The following ADGRB3 variants were observed in gnomAD, a reference collection of about 807,000 sequenced individuals.
ADGRB3 encodes adhesion G protein-coupled receptor B3.
ADGRB3 carries 37 observed loss-of-function variants against 193.4 expected under a neutral mutation model. The observed-to-expected ratio is 0.19, with a 90% CI of 0.15 to 0.25. The LOEUF (loss-of-function observed/expected upper bound fraction) is 0.25, where lower values mean the gene tolerates loss of function less well. ADGRB3 is among the 10% of genes least tolerant of loss of function. The pLI is 1.00. For synonymous variants in ADGRB3, 690 were observed against 644.2 expected, an observed-to-expected ratio of 1.07 and a Z score of -1.08; for missense variants, 1,637 against 1,852.9, an observed-to-expected ratio of 0.88 and a Z score of 2.14.
At position 68,936,317 on chromosome 6, in the gene ADGRB3, C is replaced by A. The variant is rs77062255; in HGVS notation, c.869-202C>A. Among the ~76,000 whole-genome samples, 295 of 152,218 alleles carry A rather than the reference C, an allele frequency of 1.9e-3. 4 individuals are homozygous for A. The highest frequency in any genetic ancestry group is 5.2e-3 in the Admixed American group (79 of 15,284). ...GAGTATTTTGCTAATAAGGTTATGG[C>A]AAAACTTGGTGTTTGCATCAGCATT... On this transcript the variant is annotated intron_variant, in intron 4 of 31. Coordinates refer to ENST00000370598, the MANE Select transcript of ADGRB3 (RefSeq NM_001704.3).
At chr6:68,988,752 A>T (rs772892204) in intron 10 of ADGRB3, among the ~76,000 whole-genome samples, 2 of 152,086 alleles carry the variant, frequency 1.3e-5, no homozygotes, top group African/African-American at 2.4e-5. Context: ...CCTCTCACAC[A>T]AGCAGCGATG....
At chr6:68,651,963 T>G (rs908290403) in intron 3 of ADGRB3, among the ~76,000 whole-genome samples, 1 of 152,278 alleles carries the variant, frequency 6.6e-6, no homozygotes, top group East Asian at 1.9e-4. Context: ...GTCAGTTTGT[T>G]CCTACTGTGT....
intron 3 of ADGRB3, among the ~76,000 whole-genome samples, chr6:68,660,939 T>A (rs1256942297): frequency 1.4e-5 from 2 of 144,148 alleles, no homozygotes. Flanking sequence ...AGTGTTTTCC[T>A]TCTTCTTAGT....
intron 13 of ADGRB3, among the ~76,000 whole-genome samples, chr6:69,025,523 C>CTT (rs5877186): frequency 9.3e-5 from 13 of 139,642 alleles, no homozygotes; most frequent in African/African-American, 2.4e-4. Flanking sequence ...CACAATTTAA[C>CTT]TTTTTTTTTT....
At chr6:69,317,954 C>A (rs139485726) in intron 20 of ADGRB3, among the ~76,000 whole-genome samples, 1 of 151,554 alleles carries the variant, frequency 6.6e-6, no homozygotes, top group African/African-American at 2.4e-5. Flanking sequence ...GTTGATCTTG[C>A]ATCCAACTAG....
At chr6:69,381,296 G>T (rs917033328) in intron 30 of ADGRB3, among the ~76,000 whole-genome samples, 1 of 151,862 alleles carries the variant, frequency 6.6e-6, no homozygotes, top group Non-Finnish European at 1.5e-5. Context: ...CCAAACTGAT[G>T]GGAAGTTAAT....
chr6:68,783,509 A>G (rs1294194184), intron 3 of ADGRB3, among the ~76,000 whole-genome samples: 1 of 151,674 alleles, frequency 6.6e-6, no homozygotes, highest in Admixed American at 6.6e-5. Flanking sequence ...AGGTAAACAA[A>G]AAGACAAGGG....
At chr6:68,952,032 G>T (rs561493638) in intron 6 of ADGRB3, among the ~76,000 whole-genome samples, 1 of 152,130 alleles carries the variant, frequency 6.6e-6, no homozygotes, top group South Asian at 2.1e-4. Context: ...ATGATAAATT[G>T]TTTTTATTTT....
At chr6:68,919,301 A>G (rs749179351) in intron 3 of ADGRB3, among the ~76,000 whole-genome samples, 1 of 151,962 alleles carries the variant, frequency 6.6e-6, no homozygotes, top group Non-Finnish European at 1.5e-5. Context: ...TTCATCAAAT[A>G]TTTATTTTGG....
chr6:68,659,118 GA>G (rs1768559910), intron 3 of ADGRB3, among the ~76,000 whole-genome samples: 1 of 150,614 alleles, frequency 6.6e-6, no homozygotes, highest in Non-Finnish European at 1.5e-5. Flanking sequence ...TATCCTATTA[GA>G]AAAAAATAAA....
At chr6:68,715,023 A>G (rs1318846880) in intron 3 of ADGRB3, among the ~76,000 whole-genome samples, 2 of 151,428 alleles carry the variant, frequency 1.3e-5, no homozygotes, top group Non-Finnish European at 2.9e-5. Context: ...AGTTATATTT[A>G]TCATCATTAC....
At chr6:69,006,267 G>T (rs1203703523) in intron 11 of ADGRB3, among the ~76,000 whole-genome samples, 1 of 151,902 alleles carries the variant, frequency 6.6e-6, no homozygotes, top group East Asian at 1.9e-4. Flanking sequence ...TAATATGGAT[G>T]TATTCATGGT....
At chr6:68,648,079 C>T (rs188500086) in intron 3 of ADGRB3, among the ~76,000 whole-genome samples, 7 of 152,272 alleles carry the variant, frequency 4.6e-5, no homozygotes, top group African/African-American at 1.7e-4. Context: ...CAACTATCCT[C>T]CAGGAATTTT....
At chr6:69,197,318 G>A (rs1765322037) in intron 17 of ADGRB3, among the ~76,000 whole-genome samples, 1 of 151,930 alleles carries the variant, frequency 6.6e-6, no homozygotes, top group South Asian at 2.1e-4. Context: ...TATATGGTAA[G>A]TGTTTATAAT....
intron 3 of ADGRB3, among the ~76,000 whole-genome samples, chr6:68,705,916 C>T (rs1582136254): frequency 6.6e-6 from 1 of 152,020 alleles, no homozygotes. Context: ...TCTGGCTAAC[C>T]CAGCTTGACA....
intron 3 of ADGRB3, among the ~76,000 whole-genome samples, chr6:68,646,864 G>A (rs1768228473): frequency 6.6e-6 from 1 of 152,066 alleles, no homozygotes; most frequent in Non-Finnish European, 1.5e-5. Context: ...ATCTTCTCTG[G>A]TATTTTTATT....
At chr6:68,944,390 T>C (rs1767721285) in intron 6 of ADGRB3, among the ~76,000 whole-genome samples, 1 of 152,140 alleles carries the variant, frequency 6.6e-6, no homozygotes, top group African/African-American at 2.4e-5. Context: ...CTTACACTTA[T>C]TCAATTAGGG....
intron 3 of ADGRB3, among the ~76,000 whole-genome samples, chr6:68,872,570 A>G (rs1765490534): frequency 6.6e-6 from 1 of 152,112 alleles, no homozygotes; most frequent in African/African-American, 2.4e-5. Context: ...TCTCCAGATG[A>G]GAGTTTGCCA....
Position 68,639,155 on chromosome 6 carries a change from G to T in ADGRB3, c.480G>T (p.Lys160Asn), listed in dbSNP as rs1393061693. The T allele has an allele frequency of 6.2e-7, 1 of 1,614,050 alleles. No homozygotes were observed. Reference sequence around the variant, plus strand: ...TTTTTGAGTTTTTGGTATTGAACAAGGTCAGCCCAAGCCAGTTTGGTTGCC... The same window carrying T: ...TTTTTGAGTTTTTGGTATTGAACAATGTCAGCCCAAGCCAGTTTGGTTGCC... ...KSFFEFLVLN[K>N]VSPSQFGCHV... Residue 160 changes from lysine to asparagine, a missense_variant, in exon 3 of 32, where the codon AAG (lysine) becomes AAT (asparagine). By Grantham distance (94) the Lys-to-Asn change is moderately conservative. Around this residue, in one of 7 missense-constraint regions of ADGRB3, gnomAD observed 365 missense variants for 409.8 expected, o/e 0.89. Transcript: ENST00000370598.
Sources: gnomAD v4.1 joint callset for allele counts (sites outside exome capture counted in the v4.1 genomes callset) on GRCh38, gnomAD v4.1.1 for gene constraint, gnomAD v4.1.1 regional missense constraint, MANE v1.5 for transcripts, NCBI Gene and HGNC (gene_info 2026-07-23, HGNC 2026-07-21) for gene names.